The following ASH1L variants were observed in gnomAD, a reference collection of about 807,000 sequenced individuals.
The protein encoded by ASH1L is histone-lysine N-methyltransferase ASH1L.
Under a neutral mutation model 269.0 loss-of-function variants are expected in ASH1L, and 23 were observed. That is an observed-to-expected ratio of 0.09 (90% CI 0.06 to 0.12). ASH1L has a LOEUF of 0.12. ASH1L is among the 10% of genes least tolerant of loss of function. The pLI is 1.00. For missense variants in ASH1L, 2,912 were observed against 3,567.8 expected (o/e 0.82, Z 4.68); for synonymous variants, 1,187 against 1,253.5 (o/e 0.95, Z 1.12).
intron 25 of ASH1L, among the ~76,000 whole-genome samples, chr1:155,341,345 T>C (rs58471239): frequency 0.056 from 8,448 of 152,040 alleles, 775 homozygotes; most frequent in African/African-American, 0.19. Flanking sequence ...CCTGGCTAAT[T>C]TGTTGTATTT....
chr1:155,443,772 T>C (rs1447093882), intron 4 of ASH1L, among the ~76,000 whole-genome samples: 1 of 152,192 alleles, frequency 6.6e-6, no homozygotes, highest in Non-Finnish European at 1.5e-5. Flanking sequence ...CTTTTTACTG[T>C]TCCTTTTTAC....
At chr1:155,495,864 G>A (rs1433578140) in intron 2 of ASH1L, among the ~76,000 whole-genome samples, 2 of 152,128 alleles carry the variant, frequency 1.3e-5, no homozygotes, top group African/African-American at 4.8e-5. Flanking sequence ...TGGTCATGGT[G>A]GCAGGAGCCT....
At position 155,562,635 on chromosome 1, in the gene ASH1L, T is replaced by C. The variant is rs1347894301; in HGVS notation, c.-582A>G. 5 of 1,525,714 alleles carry C rather than the reference T, an allele frequency of 3.3e-6. No individual in the cohort carries two copies. The highest frequency in any genetic ancestry group is 1.7e-4 in the Middle Eastern group (1 of 5,944). The allele number at this position is 1,525,714 out of a possible 1,614,324, so 94.5% of individuals were successfully genotyped here. ...GTACGAGTGTCTACGGGCTCGTCGC[T>C]GGCTGCTCCCACCAACCACCACCTT... On this transcript the variant is annotated 5_prime_UTR_variant, in exon 1 of 28. Transcript: ENST00000392403.
In ASH1L at chr1:155,480,991, T is replaced by C. The variant is rs1379405043; in HGVS notation, c.1879A>G (p.Lys627Glu). Residue 627 changes from lysine (K) to glutamate (E), a missense_variant, in exon 3 of 28, where the codon AAA becomes GAA. By Grantham distance (56) the Lys-to-Glu change is moderately conservative. Transcript: ENST00000392403. ...SVGHSISIEC[K>E]GIDKEVNDSK... ...TCATTTACCTCTTTATCAATCCCTT[T>C]ACATTCAATACTTATACTATGACCA... 1.9e-6 allele frequency: 3 copies of C among 1,613,954 alleles called. No individual in the cohort carries two copies. Among genetic ancestry groups the C allele is most frequent in the Non-Finnish European group, 2.5e-6 (3 of 1,179,976 alleles).
intron 1 of ASH1L, among the ~76,000 whole-genome samples, chr1:155,527,496 A>G (rs902842342): frequency 1.3e-5 from 2 of 150,412 alleles, no homozygotes; most frequent in African/African-American, 4.9e-5. Context: ...ACAGCTAAAC[A>G]GCTCCCTCGC....
Position 155,479,084 on chromosome 1 carries a change from A to G in ASH1L, c.3786T>C (p.Tyr1262=). The part of the protein sequence containing the change: ...CKRRNHDYLS[Y]DKMKRQKRKR... ...TTCGTTTCTGCCTTTTCATCTTGTC[A>G]TAGCTGAGGTAATCATGATTCCTGC... Residue 1262 remains tyrosine (Y), a synonymous_variant, in exon 3 of 28, where the codon TAT becomes TAC. Coordinates refer to ENST00000392403, the MANE Select transcript of ASH1L (RefSeq NM_018489.3). The G allele has an allele frequency of 6.2e-7, 1 of 1,614,100 alleles. No homozygotes were observed. Among genetic ancestry groups the G allele is most frequent in the Non-Finnish European group, 8.5e-7 (1 of 1,180,032 alleles).
intron 21 of ASH1L, chr1:155,346,141 TTA>T: frequency 7.1e-7 from 1 of 1,399,340 alleles, no homozygotes; most frequent in Non-Finnish European, 9.4e-7. Context: ...GCCAAAAACC[TTA>T]GTTTTATATA....
chr1:155,368,107 A>G (rs1655604569), intron 12 of ASH1L, among the ~76,000 whole-genome samples: 1 of 152,148 alleles, frequency 6.6e-6, no homozygotes, highest in African/African-American at 2.4e-5. Context: ...GGCTCAGGCG[A>G]TCCTACCACC....
chr1:155,497,368 T>C (rs1172230950), intron 2 of ASH1L, among the ~76,000 whole-genome samples: 1 of 152,190 alleles, frequency 6.6e-6, no homozygotes, highest in Non-Finnish European at 1.5e-5. Context: ...TCATAGCATA[T>C]GGAGATTTTC....
At chr1:155,474,086 G>A (rs1045291752) in intron 3 of ASH1L, among the ~76,000 whole-genome samples, 1 of 152,168 alleles carries the variant, frequency 6.6e-6, no homozygotes, top group South Asian at 2.1e-4. Context: ...TGCCTGCCTT[G>A]GTCTCCCAAA....
intron 2 of ASH1L, 47 bp from the exon 3 acceptor site, chr1:155,482,496 C>T (rs1446925126): frequency 6.5e-7 from 1 of 1,545,534 alleles, no homozygotes; most frequent in Admixed American, 2.0e-5. Context: ...AAACCTTACA[C>T]CACTTTAGCT....
chr1:155,553,301 G>A (rs1671341550), intron 1 of ASH1L, among the ~76,000 whole-genome samples: 3 of 152,118 alleles, frequency 2.0e-5, no homozygotes, highest in Non-Finnish European at 4.4e-5. Flanking sequence ...AAAATTTTCT[G>A]AGTAACTAAA....
intron 3 of ASH1L, among the ~76,000 whole-genome samples, chr1:155,467,834 T>G (rs1305859269): frequency 6.6e-6 from 1 of 152,326 alleles, no homozygotes; most frequent in African/African-American, 2.4e-5. Flanking sequence ...CTTAACAATT[T>G]GTATTCTGCT....
intron 2 of ASH1L, among the ~76,000 whole-genome samples, chr1:155,495,442 T>C (rs1270602026): frequency 2.0e-5 from 3 of 151,896 alleles, no homozygotes; most frequent in South Asian, 2.1e-4. Context: ...GCAAAAAAAA[T>C]AGGATTTTTG....
chr1:155,387,591 T>G (rs1252096580), intron 7 of ASH1L, among the ~76,000 whole-genome samples: 1 of 152,164 alleles, frequency 6.6e-6, no homozygotes, highest in Non-Finnish European at 1.5e-5. Flanking sequence ...TGTTCTTTTT[T>G]TGTGTGTAGG....
intron 2 of ASH1L, among the ~76,000 whole-genome samples, chr1:155,510,147 G>A (rs1166624908): frequency 2.6e-5 from 4 of 151,928 alleles, no homozygotes; most frequent in Admixed American, 6.6e-5. Flanking sequence ...TGGGCGCAGC[G>A]GCTCGTGCCT....
At chr1:155,547,600 G>A (rs1288289863) in intron 1 of ASH1L, among the ~76,000 whole-genome samples, 5 of 151,964 alleles carry the variant, frequency 3.3e-5, no homozygotes, top group South Asian at 2.1e-4. Flanking sequence ...GCACATGACC[G>A]TAACCCTGGC....
chr1:155,408,607 TC>T (rs1229195392), intron 6 of ASH1L, among the ~76,000 whole-genome samples: 1 of 152,098 alleles, frequency 6.6e-6, no homozygotes, highest in Non-Finnish European at 1.5e-5. Context: ...AGGGAAGTGC[TC>T]AAAGATAAGT....
At chr1:155,352,962 G>T in intron 16 of ASH1L, 104 bp from the exon 17 acceptor site, 1 of 1,019,872 alleles carries the variant, frequency 9.8e-7, no homozygotes. Context: ...CCCCTGAAGT[G>T]ATTAGGTAGA....
Sources: allele counts gnomAD v4.1 joint callset (sites outside exome capture counted in the v4.1 genomes callset), GRCh38; gene constraint gnomAD v4.1.1; transcripts MANE v1.5; gene names NCBI Gene and HGNC (gene_info 2026-07-23, HGNC 2026-07-21).